The following TENM4 variants were observed in gnomAD, a reference collection of about 807,000 sequenced individuals.
The protein encoded by TENM4 is teneurin-4.
TENM4 carries 82 observed loss-of-function variants against 243.3 expected under a neutral mutation model. The observed-to-expected ratio is 0.34, with a 90% CI of 0.28 to 0.40. The LOEUF (loss-of-function observed/expected upper bound fraction) is 0.40. Among genes scored for constraint, TENM4 ranks in the 10% least tolerant of loss-of-function variants. TENM4 has a pLI of 1.00. For synonymous variants in TENM4, 1,412 were observed against 1,456.3 expected, an observed-to-expected ratio of 0.97 and a Z score of 0.69; for missense variants, 3,138 against 3,673.3, an observed-to-expected ratio of 0.85 and a Z score of 3.77.
At chr11:79,357,374 C>T (rs1237318304) in intron 1 of TENM4, among the ~76,000 whole-genome samples, 1 of 152,242 alleles carries the variant, frequency 6.6e-6, no homozygotes, top group Non-Finnish European at 1.5e-5. Context: ...ATCAGCCTGA[C>T]TTGCTGTGAG....
chr11:79,064,613 TG>T, intron 6 of TENM4, 124 bp downstream of exon 6: 1 of 1,310,280 alleles, frequency 7.6e-7, no homozygotes, highest in Non-Finnish European at 1.0e-6. Context: ...ATTTGACCCC[TG>T]AGAGTAAAGC....
At chr11:78,914,538 G>A (rs1210355111) in intron 6 of TENM4, among the ~76,000 whole-genome samples, 2 of 152,142 alleles carry the variant, frequency 1.3e-5, no homozygotes, top group Non-Finnish European at 2.9e-5. Context: ...CTAATATAAT[G>A]AGCCTCAACC....
At chr11:79,205,876 A>C (rs1863841611) in intron 3 of TENM4, among the ~76,000 whole-genome samples, 1 of 152,262 alleles carries the variant, frequency 6.6e-6, no homozygotes. Flanking sequence ...GAAAGGAGGC[A>C]CTACTAATGT....
chr11:79,030,335 G>A (rs1303356690), intron 6 of TENM4, among the ~76,000 whole-genome samples: 1 of 152,176 alleles, frequency 6.6e-6, no homozygotes, highest in Non-Finnish European at 1.5e-5. Context: ...TGGGTAAGGG[G>A]AGCCCAGGTT....
intron 1 of TENM4, among the ~76,000 whole-genome samples, chr11:79,326,015 G>A (rs779801385): frequency 5.9e-5 from 9 of 152,186 alleles, no homozygotes; most frequent in Non-Finnish European, 1.2e-4. Context: ...TCCTGTTCCC[G>A]CTTTGGGTTG....
chr11:78,761,220 C>T (rs545751194), intron 18 of TENM4, among the ~76,000 whole-genome samples: 2 of 152,022 alleles, frequency 1.3e-5, no homozygotes, highest in African/African-American at 4.8e-5. Context: ...ACTAACCCTC[C>T]AGGGTGGTTT....
intron 3 of TENM4, among the ~76,000 whole-genome samples, chr11:79,186,912 T>C (rs969972834): frequency 2.6e-5 from 4 of 152,210 alleles, no homozygotes; most frequent in Non-Finnish European, 5.9e-5. Context: ...TCTCTGGCTA[T>C]TGGCTTTGGT....
At chr11:79,349,109 C>T (rs1474317114) in intron 1 of TENM4, among the ~76,000 whole-genome samples, 1 of 152,140 alleles carries the variant, frequency 6.6e-6, no homozygotes, top group Non-Finnish European at 1.5e-5. Context: ...TTGTTCCCCT[C>T]CACCGGCTGG....
chr11:79,426,567 T>C (rs887184743), intron 1 of TENM4, among the ~76,000 whole-genome samples: 5 of 152,192 alleles, frequency 3.3e-5, no homozygotes, highest in African/African-American at 1.2e-4. Flanking sequence ...ACCCAGGTGG[T>C]AGCAGTGGAG....
intron 1 of TENM4, among the ~76,000 whole-genome samples, chr11:79,400,099 C>CACA (rs1288184782): frequency 7.1e-6 from 1 of 140,588 alleles, no homozygotes; most frequent in Non-Finnish European, 1.5e-5. Context: ...TAAACACACA[C>CACA]CACACACACA....
At chr11:79,186,406 C>A (rs760721539) in intron 3 of TENM4, among the ~76,000 whole-genome samples, 2 of 152,200 alleles carry the variant, frequency 1.3e-5, no homozygotes, top group African/African-American at 4.8e-5. Flanking sequence ...GGCACTACAG[C>A]GGAGCCTTTA....
At position 78,756,956 on chromosome 11, in the gene TENM4, A is replaced by T; in HGVS notation, c.2605T>A (p.Cys869Ser). The T allele has an allele frequency of 6.2e-7, 1 of 1,614,002 alleles. No individual in the cohort carries two copies. Among genetic ancestry groups the T allele is most frequent in the Non-Finnish European group, 8.5e-7 (1 of 1,179,882 alleles). ...TCCAGAGGGTTAGGGGAGCCAAGGC[A>T]CAGCGGGTTGATATGGCACAGGGGC... is the stretch of plus-strand genomic sequence containing the variant. ...LQPLCHINPLCLGSPNPLDII... is the reference protein window; with the variant it reads ...LQPLCHINPLSLGSPNPLDII... Residue 869 changes from cysteine to serine, a missense_variant, in exon 19 of 34, where the codon TGC becomes AGC. Coordinates refer to ENST00000278550, the MANE Select transcript of TENM4 (RefSeq NM_001098816.3).
At chr11:78,826,464 G>C (rs896751728) in intron 12 of TENM4, among the ~76,000 whole-genome samples, 3 of 152,076 alleles carry the variant, frequency 2.0e-5, no homozygotes, top group Non-Finnish European at 4.4e-5. Context: ...GAGACTTACA[G>C]GTAAAAACCT....
At chr11:78,996,350 C>T (rs370652943) in intron 6 of TENM4, among the ~76,000 whole-genome samples, 169 of 152,216 alleles carry the variant, frequency 1.1e-3, no homozygotes, top group African/African-American at 2.5e-3. Context: ...GGAGAGACAG[C>T]GGTGCCAGCC....
intron 6 of TENM4, among the ~76,000 whole-genome samples, chr11:79,036,446 T>G (rs538205013): frequency 2.6e-5 from 4 of 152,296 alleles, no homozygotes; most frequent in Admixed American, 2.6e-4. Context: ...GAACTCGGTG[T>G]TCAGGCATCT....
intron 15 of TENM4, among the ~76,000 whole-genome samples, chr11:78,799,320 G>A (rs960408565): frequency 6.6e-6 from 1 of 152,324 alleles, no homozygotes; most frequent in Admixed American, 6.5e-5. Context: ...ATGGTAGAGA[G>A]ATTCAGAAAC....
intron 15 of TENM4, among the ~76,000 whole-genome samples, chr11:78,798,105 T>G (rs1857197870): frequency 6.6e-6 from 1 of 152,224 alleles, no homozygotes; most frequent in Non-Finnish European, 1.5e-5. Context: ...TTAAAGCATC[T>G]CACTCAGTCT....
chr11:78,766,850 G>A (rs1623681), intron 18 of TENM4, among the ~76,000 whole-genome samples: 131,975 of 151,752 alleles, frequency 0.87, 58,041 homozygotes, highest in Non-Finnish European at 0.91. Flanking sequence ...TTACAGGTGC[G>A]CCCCACCAAG....
intron 3 of TENM4, among the ~76,000 whole-genome samples, chr11:79,210,796 T>C (rs943110061): frequency 6.6e-6 from 1 of 152,224 alleles, no homozygotes; most frequent in African/African-American, 2.4e-5. Flanking sequence ...CCCTCTCTTC[T>C]AGATAACGGG....
Sources: allele counts gnomAD v4.1 joint callset (sites outside exome capture counted in the v4.1 genomes callset), GRCh38; gene constraint gnomAD v4.1.1; transcripts MANE v1.5; gene names NCBI Gene and HGNC (gene_info 2026-07-23, HGNC 2026-07-21).